The following TBX18 variants were observed in gnomAD, a reference collection of about 807,000 sequenced individuals.
The protein encoded by TBX18 is T-box transcription factor TBX18.
In TBX18, 21 loss-of-function variants were observed where a neutral mutation model predicts 55.0. The ratio of observed to expected loss-of-function variants is 0.38; its 90% CI spans 0.27 to 0.55. The LOEUF (loss-of-function observed/expected upper bound fraction) is 0.55, where lower values mean the gene tolerates loss of function less well. TBX18 is among the 20% of genes least tolerant of loss of function. The pLI is 0.73. For missense variants in TBX18, 840 were observed against 799.6 expected, an observed-to-expected ratio of 1.05 and a Z score of -0.61; for synonymous variants, 342 against 326.1, an observed-to-expected ratio of 1.05 and a Z score of -0.53.
At chr6:84,745,697 C>T (rs1201401688) in intron 5 of TBX18, among the ~76,000 whole-genome samples, 1 of 152,004 alleles carries the variant, frequency 6.6e-6, no homozygotes, top group Non-Finnish European at 1.5e-5. Context: ...TGTTTAAAAA[C>T]ATTAAGCAAT....
rs146091347 is a variant in TBX18 at position 84,763,477 on chromosome 6, C to T, written c.292+413G>A. ...CCGCCCTCTTCCTGGTTTGCACAAA[C>T]GGTTTAGGGCATTCGTTCCGGTTTC... On this transcript the variant is annotated intron_variant, in intron 1 of 7. Transcript: ENST00000369663. 5.1e-4 allele frequency: 242 copies of T among 471,276 alleles called. 2 individuals carry two copies. The highest frequency in any genetic ancestry group is 4.3e-3 in the African/African-American group (220 of 50,908). 29.2% of individuals were successfully genotyped at this position (471,276 alleles called of 1,614,324 possible).
chr6:84,755,044 C>T (rs986370166), intron 4 of TBX18, among the ~76,000 whole-genome samples: 4 of 152,020 alleles, frequency 2.6e-5, no homozygotes, highest in Admixed American at 6.6e-5. Flanking sequence ...TCTCTACACA[C>T]GCACACACAC....
intron 4 of TBX18, among the ~76,000 whole-genome samples, chr6:84,756,024 G>T (rs1316701826): frequency 6.6e-6 from 1 of 152,084 alleles, no homozygotes; most frequent in Admixed American, 6.6e-5. Context: ...AAAAATGCTG[G>T]CTTTGAACAG....
At chr6:84,760,841 T>C (rs1249120106) in intron 2 of TBX18, among the ~76,000 whole-genome samples, 2 of 152,220 alleles carry the variant, frequency 1.3e-5, no homozygotes, top group African/African-American at 4.8e-5. Context: ...ATGTTCTTTA[T>C]TGAGACAGGA....
In TBX18 at chr6:84,747,073, TAAC is replaced by T. The variant is rs376780880; in HGVS notation, c.939+844_939+846del. On this transcript the variant is annotated intron_variant, in intron 5 of 7. Transcript: ENST00000369663. ...GATCCAAATCTTCTAAGAAGCTTTA[TAAC>T]AACAGAAACCACAACAGAGAGATTT... Among the ~76,000 whole-genome samples, 24 of 151,806 alleles carry T rather than the reference TAAC, an allele frequency of 1.6e-4. No homozygotes were observed. The South Asian group carries it at 3.3e-3, about 21-fold the overall frequency.
In TBX18 at chr6:84,744,341, A is replaced by G; in HGVS notation, c.940-16T>C. On this transcript the variant is annotated splice_polypyrimidine_tract_variant and intron_variant, in intron 5 of 7. Coordinates refer to ENST00000369663, the MANE Select transcript of TBX18 (RefSeq NM_001080508.3). ...GGCGAGTAATCTGCAGAGTAGGAAA[A>G]AAAAATATCAAATCTTATATAAATG... The G allele has an allele frequency of 6.2e-7, 1 of 1,604,448 alleles. No individual in the cohort carries two copies. Among genetic ancestry groups the G allele is most frequent in the Non-Finnish European group, 8.5e-7 (1 of 1,175,570 alleles).
chr6:84,759,533 C>T (rs1767590183), intron 3 of TBX18, among the ~76,000 whole-genome samples: 1 of 150,206 alleles, frequency 6.7e-6, no homozygotes, highest in South Asian at 2.1e-4. Context: ...CTGAAAATTG[C>T]TGATTTGTTT....
intron 4 of TBX18, among the ~76,000 whole-genome samples, chr6:84,754,728 T>C (rs1767440717): frequency 6.6e-6 from 1 of 152,220 alleles, no homozygotes; most frequent in South Asian, 2.1e-4. Context: ...TGCTGCCAGG[T>C]ATTTATTAGA....
chr6:84,745,782 T>C (rs1357119408), intron 5 of TBX18, among the ~76,000 whole-genome samples: 1 of 152,164 alleles, frequency 6.6e-6, no homozygotes, highest in Admixed American at 6.6e-5. Flanking sequence ...AACAGAGACA[T>C]AACACAATTG....
chr6:84,760,175 G>T, intron 3 of TBX18, 80 bp downstream of exon 3: 1 of 810,276 alleles, frequency 1.2e-6, no homozygotes, highest in Non-Finnish European at 1.7e-6. Context: ...AAAGATCACA[G>T]TCCTCACAGA....
Position 84,764,328 on chromosome 6 carries a change from T to A in TBX18, c.-147A>T. 8 of 1,151,746 alleles carry A rather than the reference T, an allele frequency of 6.9e-6. No homozygotes were observed. The highest frequency in any genetic ancestry group is 9.1e-6 in the Non-Finnish European group (8 of 878,634). The allele number at this position is 1,151,746 out of a possible 1,614,324, so 71.3% of individuals were successfully genotyped here. A position where few individuals can be genotyped will look rare whatever the true frequency, so the allele number is the denominator to read the frequency against. On this transcript the variant is annotated 5_prime_UTR_variant, in exon 1 of 8. Coordinates refer to ENST00000369663, the MANE Select transcript of TBX18 (RefSeq NM_001080508.3). ...TCCCCACCGCGGGCAAAAAACAGAT[T>A]TGGCGTTTCCGCTTTCTCGCTTGTG...
In TBX18 at chr6:84,736,901, T is replaced by C; in HGVS notation, c.1608A>G (p.Thr536=). 1 of 1,613,146 alleles carries C rather than the reference T, an allele frequency of 6.2e-7. No homozygotes were observed. The highest frequency in any genetic ancestry group is 8.5e-7 in the Non-Finnish European group (1 of 1,179,636). ...PCALYGYNFS[T]SPKLAASPEK... is the part of the protein sequence containing the mutation. ...CAGGACTGGCAGCCAGTTTGGGGGA[T>C]GTGGAGAAGTTATATCCATATAGTG... The change falls in exon 8 of 8, where the codon ACA becomes ACG. Residue 536 remains threonine, a synonymous_variant. Coordinates refer to ENST00000369663, the MANE Select transcript of TBX18 (RefSeq NM_001080508.3).
intron 6 of TBX18, among the ~76,000 whole-genome samples, chr6:84,739,004 A>G (rs974662872): frequency 6.6e-6 from 1 of 152,166 alleles, no homozygotes; most frequent in African/African-American, 2.4e-5. Flanking sequence ...ACAAAAGCAC[A>G]TTCCTAGAAA....
At chr6:84,763,683 C>T (rs1358237348) in intron 1 of TBX18, among the ~76,000 whole-genome samples, 2 of 152,202 alleles carry the variant, frequency 1.3e-5, no homozygotes, top group African/African-American at 4.8e-5. Context: ...GGGCGGCGGC[C>T]GCCCGCGAGG....
Position 84,764,105 on chromosome 6 carries a change from A to T in TBX18, c.77T>A (p.Ile26Asn). Reference sequence around the variant, plus strand: ...AAGCTGTTGCTGCTTCTCGGCGCCGATCAGCGCCTCCACCGAGAAAGCGTG... The same window carrying T: ...AAGCTGTTGCTGCTTCTCGGCGCCGTTCAGCGCCTCCACCGAGAAAGCGTG... Reference protein sequence around the residue: ...KAHAFSVEALIGAEKQQQLQK... With the variant: ...KAHAFSVEALNGAEKQQQLQK... The change falls in exon 1 of 8, where the codon ATC (isoleucine) becomes AAC (asparagine). Residue 26 changes from isoleucine (I) to asparagine (N), a missense_variant. Transcript: ENST00000369663. 6.3e-7 allele frequency: 1 copy of T among 1,585,016 alleles called. No homozygotes were observed. Among genetic ancestry groups the T allele is most frequent in the Non-Finnish European group, 8.5e-7 (1 of 1,172,652 alleles).
intron 6 of TBX18, chr6:84,741,249 C>T (rs1006331733): frequency 6.6e-6 from 1 of 152,198 alleles, no homozygotes; most frequent in African/African-American, 2.4e-5. Context: ...AGGAGTGCAG[C>T]CAAGGCGATA....
intron 2 of TBX18, 117 bp downstream of exon 2, chr6:84,762,427 C>A: frequency 7.8e-7 from 1 of 1,279,950 alleles, no homozygotes; most frequent in East Asian, 2.3e-5. Flanking sequence ...CCCGTTTGAC[C>A]GAAAATGCTA....
At chr6:84,756,294 T>A (rs1312326357) in intron 4 of TBX18, among the ~76,000 whole-genome samples, 2 of 152,200 alleles carry the variant, frequency 1.3e-5, no homozygotes, top group Non-Finnish European at 2.9e-5. Flanking sequence ...CCTAGACAAT[T>A]ACTGAGAAGC....
chr6:84,756,897 A>G (rs1562265409), intron 3 of TBX18, 28 bp from the exon 4 acceptor site: 1 of 1,607,794 alleles, frequency 6.2e-7, no homozygotes. Context: ...GGCGTTCAGT[A>G]TACTGTTTTT....
Sources: allele counts gnomAD v4.1 joint callset (sites outside exome capture counted in the v4.1 genomes callset), GRCh38; gene constraint gnomAD v4.1.1; transcripts MANE v1.5; gene names NCBI Gene and HGNC (gene_info 2026-07-23, HGNC 2026-07-21).